OSBPL3: variants seen among roughly 807,000 people sequenced by gnomAD.
OSBPL3 encodes the protein oxysterol-binding protein-related protein 3.
OSBPL3 carries 65 observed loss-of-function variants against 120.1 expected under a neutral mutation model. That is an observed-to-expected ratio of 0.54 (90% CI 0.44 to 0.67). OSBPL3 has a LOEUF of 0.67. Ranked by LOEUF, OSBPL3 falls within the 30% of genes least tolerant of loss-of-function variation. The pLI, the probability that OSBPL3 is intolerant of heterozygous loss-of-function variation, is 0.00. For synonymous variants in OSBPL3, 416 were observed against 402.6 expected (o/e 1.03, Z -0.40); for missense variants, 1,004 against 1,082.1 (o/e 0.93, Z 1.01).
At chr7:24,800,849 C>T (rs1486382759) in intron 22 of OSBPL3, among the ~76,000 whole-genome samples, 3 of 151,610 alleles carry the variant, frequency 2.0e-5, no homozygotes, top group East Asian at 3.9e-4. Context: ...CTGTCATATA[C>T]AAAACATAAC....
At position 24,863,574 on chromosome 7, in the gene OSBPL3, C is replaced by T; in HGVS notation, c.699G>A (p.Leu233=). 3 of 1,614,036 alleles carry T rather than the reference C, an allele frequency of 1.9e-6. No individual in the cohort carries two copies. The highest frequency in any genetic ancestry group is 1.7e-6 in the Non-Finnish European group (2 of 1,179,878). The stretch of plus-strand genomic sequence containing the variant: ...TTTGCAGGAGCTGGCTCATTTCTAC[C>T]AGGTAGGCATGACAGTGCGCCAGGT... ...SKDLAHCHAY[L]VEMSQLLQSM... Residue 233 remains leucine, a synonymous_variant, in exon 8 of 23, where the codon CTG becomes CTA. Coordinates refer to ENST00000313367, the MANE Select transcript of OSBPL3 (RefSeq NM_015550.4). The surrounding 1 kb of genome is among the most constrained non-coding windows in gnomAD (Gnocchi z 5.8).
rs1428422148 is a variant in OSBPL3 at position 24,930,883 on chromosome 7, C to CAA, written c.-149-38263_-149-38262insTT. Among the ~76,000 whole-genome samples, 1 of 152,204 alleles carries CAA rather than the reference C, an allele frequency of 6.6e-6. No homozygotes were observed. The highest frequency in any genetic ancestry group is 2.4e-5 in the African/African-American group (1 of 41,456). ...TCCAAAAACAAGTAGGCAAACCTCT[C>CAA]TCCAATCCAAATGCCAAATACATAC... On this transcript the variant is annotated intron_variant, in intron 1 of 22. Coordinates refer to ENST00000313367, the MANE Select transcript of OSBPL3 (RefSeq NM_015550.4). This position sits in a 1 kb window ranked among gnomAD's most constrained non-coding sequence, Gnocchi z 4.4.
At chr7:24,950,730 A>G (rs570626245) in intron 1 of OSBPL3, among the ~76,000 whole-genome samples, 2 of 152,356 alleles carry the variant, frequency 1.3e-5, no homozygotes, top group Non-Finnish European at 2.9e-5. Context: ...TCAAAAAACA[A>G]AACAAAACAA....
intron 22 of OSBPL3, among the ~76,000 whole-genome samples, chr7:24,801,040 A>C (rs867132353): frequency 6.6e-6 from 1 of 151,560 alleles, no homozygotes. Context: ...CAGGAGTTCA[A>C]GACCAGCTTG....
At position 24,979,604 on chromosome 7, in the gene OSBPL3, T is replaced by C. The variant is rs531105026; in HGVS notation, c.-150+282A>G. 5.8e-3 allele frequency among the ~76,000 whole-genome samples: 884 copies of C among 151,986 alleles called. 7 individuals carry two copies. Among genetic ancestry groups the C allele is most frequent in the South Asian group, 0.019 (92 of 4,810 alleles). ...CCTCCCGCACCTGCGCCGCGGCCCC[T>C]GCGCTCGGCTCCTCCTGGCGGTCAA... On this transcript the variant is annotated intron_variant, in intron 1 of 22. Coordinates refer to ENST00000313367, the MANE Select transcript of OSBPL3 (RefSeq NM_015550.4).
rs1192282735 is a variant in OSBPL3, at chr7:24,833,632, G to C, written c.1746+854C>G. Among the ~76,000 whole-genome samples the C allele has an allele frequency of 6.6e-6, 1 of 152,212 alleles. No individual in the cohort carries two copies. Among genetic ancestry groups the C allele is most frequent in the Non-Finnish European group, 1.5e-5 (1 of 68,042 alleles). On this transcript the variant is annotated intron_variant, in intron 15 of 22. Coordinates refer to ENST00000313367, the MANE Select transcript of OSBPL3 (RefSeq NM_015550.4). The surrounding 1 kb of genome is among the most constrained non-coding windows in gnomAD (Gnocchi z 4.4). The stretch of plus-strand genomic sequence containing the variant: ...AGCCAATTGGCAAATGCCCAGGAGA[G>C]AGACTCTGCATCTGGGGGACACTGC...
chr7:24,893,894 T>C (rs964764484), intron 1 of OSBPL3, among the ~76,000 whole-genome samples: 2 of 152,188 alleles, frequency 1.3e-5, no homozygotes, highest in Non-Finnish European at 2.9e-5. Flanking sequence ...TGTTTGGTTT[T>C]GGCTTCAGAA....
chr7:24,975,847 C>T (rs1377126933), intron 1 of OSBPL3, among the ~76,000 whole-genome samples: 1 of 152,138 alleles, frequency 6.6e-6, no homozygotes, highest in Admixed American at 6.5e-5. Context: ...CTGACAAAAG[C>T]AGTTTATGAG....
chr7:24,935,733 G>A (rs147700179), intron 1 of OSBPL3, among the ~76,000 whole-genome samples: 5 of 151,852 alleles, frequency 3.3e-5, no homozygotes, highest in Admixed American at 3.3e-4. Flanking sequence ...CCTGGGGGTG[G>A]GGTGGGGGAA....
rs995528378 is a variant in OSBPL3, at chr7:24,821,961, C to T, written c.1885-1723G>A. On this transcript the variant is annotated intron_variant, in intron 16 of 22. Coordinates refer to ENST00000313367, the MANE Select transcript of OSBPL3 (RefSeq NM_015550.4). The surrounding 1 kb of genome is among the most constrained non-coding windows in gnomAD (Gnocchi z 5.5). Reference sequence around the variant, plus strand: ...CAATCACAGCCCACTACAGCCTTGACCTCCAGGGCTCAAGTGATCCTCCTG... The same window carrying T: ...CAATCACAGCCCACTACAGCCTTGATCTCCAGGGCTCAAGTGATCCTCCTG... Among the ~76,000 whole-genome samples the T allele has an allele frequency of 2.6e-5, 4 of 152,192 alleles. No homozygotes were observed. The highest frequency in any genetic ancestry group is 5.9e-5 in the Non-Finnish European group (4 of 68,034).
At chr7:24,892,271 G>A (rs943593602) in intron 2 of OSBPL3, 106 bp downstream of exon 2, 3 of 1,079,400 alleles carry the variant, frequency 2.8e-6, no homozygotes, top group Non-Finnish European at 4.1e-6. Flanking sequence ...AAAAGTAAAT[G>A]CTCTTAAACT....
At chr7:24,828,606 GAAAAAAAAAAAAA>G (rs1190652256) in intron 16 of OSBPL3, among the ~76,000 whole-genome samples, 1 of 32,522 alleles carries the variant, frequency 3.1e-5, no homozygotes, top group African/African-American at 1.6e-4. Flanking sequence ...GACTCTGTCT[GAAAAAAAAAAAAA>G]AAGAAAAAAA....
rs760642578 is a variant in OSBPL3, at chr7:24,815,631, C to G, written c.2028-428G>C. Among the ~76,000 whole-genome samples, 1 of 152,170 alleles carries G rather than the reference C, an allele frequency of 6.6e-6. No individual in the cohort carries two copies. The highest frequency in any genetic ancestry group is 1.5e-5 in the Non-Finnish European group (1 of 68,016). ...GCATCCTTTGTGATGAGAAAGTATT[C>G]AGATATTACTTATGGAATTCAATAA... On this transcript the variant is annotated intron_variant, in intron 18 of 22. Coordinates refer to ENST00000313367, the MANE Select transcript of OSBPL3 (RefSeq NM_015550.4). The surrounding 1 kb of genome is among the most constrained non-coding windows in gnomAD (Gnocchi z 5.1).
intron 1 of OSBPL3, among the ~76,000 whole-genome samples, chr7:24,960,682 G>A (rs1022078051): frequency 1.3e-5 from 2 of 152,102 alleles, no homozygotes; most frequent in African/African-American, 2.4e-5. Context: ...TGAAGTCTAG[G>A]TGACCACCAG....
intron 6 of OSBPL3, 82 bp from the exon 7 acceptor site, chr7:24,865,547 G>C (rs1256038036): frequency 7.3e-7 from 1 of 1,376,628 alleles, no homozygotes; most frequent in Non-Finnish European, 1.0e-6. Context: ...TAACAGAGTG[G>C]GCTAGTCACT....
In OSBPL3 at chr7:24,968,720, G is replaced by A. The variant is rs192477539; in HGVS notation, c.-150+11166C>T. ...CTCAGCCCACCAATTTTATCCATGT[G>A]TGCATATATGCATGAATATATGTCC... is the stretch of plus-strand genomic sequence containing the variant. On this transcript the variant is annotated intron_variant, in intron 1 of 22. Coordinates refer to ENST00000313367, the MANE Select transcript of OSBPL3 (RefSeq NM_015550.4). This position sits in a 1 kb window ranked among gnomAD's most constrained non-coding sequence, Gnocchi z 4.6. Among the ~76,000 whole-genome samples the A allele has an allele frequency of 3.7e-4, 57 of 152,220 alleles. No individual in the cohort carries two copies. The highest frequency in any genetic ancestry group is 2.7e-3 in the South Asian group (13 of 4,830).
intron 1 of OSBPL3, among the ~76,000 whole-genome samples, chr7:24,931,594 A>G (rs2391009): frequency 0.73 from 111,215 of 152,096 alleles, 40,809 homozygotes; most frequent in East Asian, 0.85. Flanking sequence ...AAAAGCCTCC[A>G]AAAGAACAAT....
At position 24,808,839 on chromosome 7, in the gene OSBPL3, C is replaced by T. The variant is rs911405374; in HGVS notation, c.2317+968G>A. ...ACGTGATATAAAGTCCCATTTGCTG[C>T]GGGATCTTAGGAAATGTTCCTGAGA... On this transcript the variant is annotated intron_variant, in intron 20 of 22. Coordinates refer to ENST00000313367, the MANE Select transcript of OSBPL3 (RefSeq NM_015550.4). The surrounding 1 kb of genome is among the most constrained non-coding windows in gnomAD (Gnocchi z 4.6). Among the ~76,000 whole-genome samples, 4 of 152,134 alleles carry T rather than the reference C, an allele frequency of 2.6e-5. No individual in the cohort carries two copies. The highest frequency in any genetic ancestry group is 2.0e-4 in the Admixed American group (3 of 15,270).
intron 1 of OSBPL3, among the ~76,000 whole-genome samples, chr7:24,944,435 T>C (rs572575950): frequency 3.2e-4 from 48 of 152,154 alleles, no homozygotes; most frequent in African/African-American, 1.2e-3. Context: ...AAGACCATCC[T>C]AACCAACATG....
Sources: gnomAD v4.1 joint callset for allele counts (sites outside exome capture counted in the v4.1 genomes callset) on GRCh38, gnomAD v4.1.1 for gene constraint, Gnocchi (gnomAD v3.1) non-coding constraint, MANE v1.5 for transcripts, NCBI Gene and HGNC (gene_info 2026-07-23, HGNC 2026-07-21) for gene names.